IL19: variants seen among roughly 807,000 people sequenced by gnomAD.
IL19 encodes the protein interleukin 19.
IL19 carries 15 observed loss-of-function variants against 19.5 expected under a neutral mutation model. The ratio of observed to expected loss-of-function variants is 0.77; its 90% confidence interval spans 0.52 to 1.19. IL19 has a LOEUF of 1.19. IL19 is among the 50% of genes most tolerant of loss of function. The pLI, the probability that IL19 is intolerant of heterozygous loss-of-function variation, is 0.00. For missense variants in IL19, 199 were observed against 213.1 expected (o/e 0.93, Z 0.41); for synonymous variants, 78 against 78.3 (o/e 1.00, Z 0.02).
intron 2 of IL19, among the ~76,000 whole-genome samples, chr1:206,800,880 G>T (rs969275656): frequency 3.3e-5 from 5 of 152,214 alleles, no homozygotes; most frequent in African/African-American, 1.2e-4. Context: ...CAATGATGTT[G>T]GCTGGGCATG....
rs1389514085 is a variant in IL19 at position 206,839,840 on chromosome 1, G to A, written c.211-10G>A. The A allele has an allele frequency of 1.2e-6, 2 of 1,603,520 alleles. No individual in the cohort carries two copies. Among genetic ancestry groups the A allele is most frequent in the Non-Finnish European group, 1.7e-6 (2 of 1,174,454 alleles). ...GAGGCCTCTAGTGTTTCCCTAATTT[G>A]TGTTTGTAGCCCTTAGATGTGTGCT... On this transcript the variant is annotated splice_polypyrimidine_tract_variant and intron_variant, in intron 4 of 6. Coordinates refer to ENST00000659997, the MANE Select transcript of IL19 (RefSeq NM_153758.5).
At chr1:206,798,809 G>A in intron 1 of IL19, 52 bp from the exon 2 acceptor site, 2 of 972,822 alleles carry the variant, frequency 2.1e-6, no homozygotes. Context: ...CCAGAAGGAG[G>A]GAGCTGAGTG....
intron 1 of IL19, among the ~76,000 whole-genome samples, chr1:206,784,808 C>T (rs959034898): frequency 6.6e-6 from 1 of 152,268 alleles, no homozygotes; most frequent in East Asian, 1.9e-4. Context: ...CGTTCTCAAG[C>T]AATTATCTGC....
intron 2 of IL19, chr1:206,834,531 T>A: frequency 1.3e-6 from 1 of 743,648 alleles, no homozygotes; most frequent in Non-Finnish European, 1.6e-6. Flanking sequence ...GGGCATTTGG[T>A]AGAATGGGAA....
chr1:206,823,859 G>C (rs1389922429), intron 2 of IL19, among the ~76,000 whole-genome samples: 2 of 152,192 alleles, frequency 1.3e-5, no homozygotes, highest in Non-Finnish European at 2.9e-5. Flanking sequence ...GCCTGTTGGA[G>C]GTTTCACAGG....
intron 2 of IL19, among the ~76,000 whole-genome samples, chr1:206,802,292 G>A (rs1675732664): frequency 6.6e-6 from 1 of 152,126 alleles, no homozygotes. Context: ...AGGTTGCCTG[G>A]TGCCTACAGT....
intron 1 of IL19, among the ~76,000 whole-genome samples, chr1:206,776,910 A>C (rs1451842393): frequency 9.3e-4 from 42 of 44,946 alleles, no homozygotes; most frequent in African/African-American, 4.4e-3. Flanking sequence ...TTGCAACTAC[A>C]AAAAAAAAAA....
chr1:206,785,967 T>C (rs1675261295), intron 1 of IL19, among the ~76,000 whole-genome samples: 1 of 151,302 alleles, frequency 6.6e-6, no homozygotes, highest in Non-Finnish European at 1.5e-5. Flanking sequence ...GTCAAAGGGG[T>C]CACAGGATGT....
chr1:206,772,524 A>G (rs188056661), intron 1 of IL19: 20 of 1,264,432 alleles, frequency 1.6e-5, no homozygotes, highest in Non-Finnish European at 2.1e-5. Context: ...CCCCTTTTAT[A>G]TTGTAAGCTC....
intron 2 of IL19, among the ~76,000 whole-genome samples, chr1:206,811,486 G>A (rs1469613378): frequency 6.6e-6 from 1 of 151,100 alleles, no homozygotes; most frequent in Non-Finnish European, 1.5e-5. Context: ...AAAAACTTGA[G>A]CTGCCTTTCA....
At chr1:206,771,561 CAG>C in intron 1 of IL19, 1 of 715,332 alleles carries the variant, frequency 1.4e-6, no homozygotes, top group South Asian at 1.5e-5. Flanking sequence ...GTTTTAAAAA[CAG>C]AGGATTCAAC....
intron 2 of IL19, among the ~76,000 whole-genome samples, chr1:206,803,615 A>T (rs545047363): frequency 1.3e-5 from 2 of 152,300 alleles, no homozygotes; most frequent in South Asian, 4.1e-4. Flanking sequence ...AGAGAACAGG[A>T]AAGGATTATT....
intron 2 of IL19, among the ~76,000 whole-genome samples, chr1:206,811,836 G>T (rs572829908): frequency 4.5e-4 from 69 of 152,326 alleles, no homozygotes; most frequent in African/African-American, 1.6e-3. Flanking sequence ...ATGGAGGGAA[G>T]GAAAAATGTT....
intron 1 of IL19, among the ~76,000 whole-genome samples, chr1:206,777,520 A>G (rs1675041113): frequency 6.6e-6 from 1 of 152,078 alleles, no homozygotes; most frequent in Non-Finnish European, 1.5e-5. Flanking sequence ...GCTCAAACCC[A>G]AGAGTGGGGA....
intron 2 of IL19, among the ~76,000 whole-genome samples, chr1:206,809,050 C>G (rs1675932747): frequency 6.6e-6 from 1 of 152,218 alleles, no homozygotes; most frequent in South Asian, 2.1e-4. Flanking sequence ...CAAAGCTGCT[C>G]TCTGTTCTTG....
At chr1:206,809,483 A>C (rs914408113) in intron 2 of IL19, among the ~76,000 whole-genome samples, 1 of 152,114 alleles carries the variant, frequency 6.6e-6, no homozygotes, top group African/African-American at 2.4e-5. Flanking sequence ...TGGGTAGAAT[A>C]TTTCTCTGCC....
chr1:206,799,340 T>C (rs1675618617), intron 2 of IL19, among the ~76,000 whole-genome samples: 1 of 152,156 alleles, frequency 6.6e-6, no homozygotes, highest in African/African-American at 2.4e-5. Context: ...CCAAGGTTGC[T>C]AGCTGCAATG....
chr1:206,841,219 C>G (rs936927776), intron 6 of IL19, 141 bp downstream of exon 6: 1 of 671,430 alleles, frequency 1.5e-6, no homozygotes, highest in Admixed American at 2.4e-5. Flanking sequence ...TTCTCTGTGT[C>G]TGTAAAGAGA....
chr1:206,816,962 A>G (rs1425112754), intron 2 of IL19, among the ~76,000 whole-genome samples: 1 of 152,248 alleles, frequency 6.6e-6, no homozygotes, highest in Non-Finnish European at 1.5e-5. Context: ...GCTGAAACTG[A>G]AACTGTGCAC....
Sources: gnomAD v4.1 joint callset for allele counts (sites outside exome capture counted in the v4.1 genomes callset) on GRCh38, gnomAD v4.1.1 for gene constraint, MANE v1.5 for transcripts, NCBI Gene and HGNC (gene_info 2026-07-23, HGNC 2026-07-21) for gene names.